Variants in MGARP observed in about 807,000 individuals in gnomAD.
MGARP encodes the protein mitochondria localized glutamic acid rich protein, also known as protein MGARP.
A neutral mutation model predicts 11.0 loss-of-function variants in MGARP; 12 were observed. The observed-to-expected ratio is 1.09, with a 90% CI of 0.70 to 1.77. The LOEUF (loss-of-function observed/expected upper bound fraction) is 1.77. Ranked by LOEUF, MGARP falls within the 40% of genes most tolerant of loss-of-function variation. MGARP has a pLI of 0.00. For missense variants in MGARP, 283 were observed against 297.8 expected (o/e 0.95, Z 0.36); for synonymous variants, 110 against 115.4 (o/e 0.95, Z 0.30).
intron 2 of MGARP, among the ~76,000 whole-genome samples, chr4:139,274,353 ATTT>A (rs1349371831): frequency 2.0e-5 from 3 of 152,120 alleles, no homozygotes; most frequent in African/African-American, 7.2e-5. Context: ...TCAGTGCAAG[ATTT>A]TAATAGGGGA....
chr4:139,279,050 G>T (rs910226089), intron 1 of MGARP, among the ~76,000 whole-genome samples: 2 of 152,104 alleles, frequency 1.3e-5, no homozygotes, highest in African/African-American at 2.4e-5. Flanking sequence ...ATCTCGGAAG[G>T]CTCAGAAAGT....
chr4:139,269,909 A>G (rs1744752964), intron 2 of MGARP, among the ~76,000 whole-genome samples: 1 of 152,172 alleles, frequency 6.6e-6, no homozygotes, highest in Non-Finnish European at 1.5e-5. Flanking sequence ...TGTCTTCTAA[A>G]TTTTTAACCA....
chr4:139,267,033 C>T lies in MGARP; in HGVS notation c.289G>A (p.Glu97Lys), dbSNP rs755698289. 9.4e-5 allele frequency: 151 copies of T among 1,612,390 alleles called. 4 individuals are homozygous for T. In the South Asian group the frequency reaches 1.5e-3, roughly 16 times the overall value. The change falls in exon 4 of 4, where the codon GAG (glutamate) becomes AAG (lysine). Residue 97 changes from glutamate to lysine, a missense_variant. Transcript: ENST00000398955. ...AEIHPFQGEK[E>K]NVAETEKASS... Reference sequence around the variant, plus strand: ...GCTTTCTCAGTTTCCGCAACATTCTCCTTTTCACCTTTAAGAATTAGTCAT... The same window carrying T: ...GCTTTCTCAGTTTCCGCAACATTCTTCTTTTCACCTTTAAGAATTAGTCAT...
At chr4:139,279,319 C>A (rs953388899) in intron 1 of MGARP, among the ~76,000 whole-genome samples, 1 of 152,224 alleles carries the variant, frequency 6.6e-6, no homozygotes. Flanking sequence ...CTCCAGTTCA[C>A]ACTGCAACTC....
chr4:139,276,766 C>A (rs1744881119), intron 1 of MGARP, among the ~76,000 whole-genome samples: 1 of 152,088 alleles, frequency 6.6e-6, no homozygotes, highest in African/African-American at 2.4e-5. Context: ...AGGAGGATCA[C>A]TTGAGTCCTG....
intron 2 of MGARP, 84 bp downstream of exon 2, chr4:139,275,205 T>C: frequency 9.4e-7 from 1 of 1,060,874 alleles, no homozygotes; most frequent in East Asian, 2.4e-5. Context: ...TAATCTCATG[T>C]CCTGATCTTG....
intron 1 of MGARP, among the ~76,000 whole-genome samples, chr4:139,276,786 G>A (rs981755947): frequency 7.9e-5 from 12 of 152,222 alleles, no homozygotes; most frequent in African/African-American, 2.6e-4. Flanking sequence ...GCAGTGAGCT[G>A]TGATTGTACC....
At chr4:139,272,561 C>CAAAAAAA (rs35412789) in intron 2 of MGARP, among the ~76,000 whole-genome samples, 42 of 109,280 alleles carry the variant, frequency 3.8e-4, no homozygotes, top group South Asian at 1.3e-3. Context: ...TGTCCCCTCC[C>CAAAAAAA]AAAAAAAAAA....
In MGARP at chr4:139,266,959, A is replaced by G. The variant is rs781124100; in HGVS notation, c.363T>C (p.Asp121=). The change falls in exon 4 of 4, where the codon GAT becomes GAC. Residue 121 remains aspartate, a synonymous_variant. Coordinates refer to ENST00000398955, the MANE Select transcript of MGARP (RefSeq NM_032623.4). ...CTGTAGCACTGGGACTTTCTTCAGC[A>G]TCTACCACCTCAGCTTCCACTATAA... ...EELIVEAEVV[D]AEESPSATVV... is the part of the protein sequence containing the mutation. 1.4e-4 allele frequency: 223 copies of G among 1,614,082 alleles called. 1 individual carries two copies. The highest frequency in any genetic ancestry group is 1.8e-4 in the Non-Finnish European group (214 of 1,180,034).
chr4:139,271,216 G>A (rs976688066), intron 2 of MGARP, among the ~76,000 whole-genome samples: 1 of 152,024 alleles, frequency 6.6e-6, no homozygotes, highest in Non-Finnish European at 1.5e-5. Flanking sequence ...AGCCAGTCTG[G>A]TACTACTTTT....
In MGARP at chr4:139,266,518, T is replaced by TA; in HGVS notation, c.*80dup. On this transcript the variant is annotated 3_prime_UTR_variant, in exon 4 of 4. Coordinates refer to ENST00000398955, the MANE Select transcript of MGARP (RefSeq NM_032623.4). ...TCTAGAAAATAAGTCTTTTTTTTTT[T>TA]AAACTAAGTGTACTAAAAACACAAA... 6 of 1,239,580 alleles carry TA rather than the reference T, an allele frequency of 4.8e-6. No homozygotes were observed. The South Asian group carries it at 7.8e-5, about 16-fold the overall frequency. The allele number at this position is 1,239,580 out of a possible 1,614,324, so 76.8% of individuals were successfully genotyped here.
intron 3 of MGARP, among the ~76,000 whole-genome samples, chr4:139,267,591 T>G (rs1744716799): frequency 6.6e-6 from 1 of 152,166 alleles, no homozygotes. Context: ...TTGTAAAGAT[T>G]AATTAAAATA....
In MGARP at chr4:139,266,428, C is replaced by A. The variant is rs1410443632; in HGVS notation, c.*171G>T. 25 of 615,600 alleles carry A rather than the reference C, an allele frequency of 4.1e-5. No homozygotes were observed. 38.1% of individuals were successfully genotyped at this position (615,600 alleles called of 1,614,324 possible). A position where few individuals can be genotyped will look rare whatever the true frequency, so the allele number is the denominator to read the frequency against. ...AGAAGAGTAGTAAGAAATGTACAAT[C>A]TCAAGTCTCTCAGTCCTAAAATCTA... On this transcript the variant is annotated 3_prime_UTR_variant, in exon 4 of 4. Coordinates refer to ENST00000398955, the MANE Select transcript of MGARP (RefSeq NM_032623.4).
At chr4:139,271,081 G>A (rs762468090) in intron 2 of MGARP, among the ~76,000 whole-genome samples, 5 of 152,154 alleles carry the variant, frequency 3.3e-5, no homozygotes, top group Non-Finnish European at 7.3e-5. Flanking sequence ...CAGCACAGTC[G>A]AGCACAGAGT....
chr4:139,280,205 C>G lies in MGARP; in HGVS notation c.-47G>C, dbSNP rs753703205. The G allele has an allele frequency of 1.3e-6, 2 of 1,562,034 alleles. No individual in the cohort carries two copies. The highest frequency in any genetic ancestry group is 2.7e-5 in the African/African-American group (2 of 73,708). On this transcript the variant is annotated 5_prime_UTR_variant, in exon 1 of 4. Coordinates refer to ENST00000398955, the MANE Select transcript of MGARP (RefSeq NM_032623.4). Reference sequence around the variant, plus strand: ...AGCAGCCTCGGTACCCAGGCGCAGGCTGCCCTTCCACAGAGAGGCTGAGAG... The same window carrying G: ...AGCAGCCTCGGTACCCAGGCGCAGGGTGCCCTTCCACAGAGAGGCTGAGAG...
intron 2 of MGARP, among the ~76,000 whole-genome samples, chr4:139,274,538 C>T (rs1744838448): frequency 6.6e-6 from 1 of 152,004 alleles, no homozygotes; most frequent in Non-Finnish European, 1.5e-5. Context: ...CACTGGAGTG[C>T]CATGATGTGA....
At chr4:139,270,708 A>C (rs1489731718) in intron 2 of MGARP, among the ~76,000 whole-genome samples, 1 of 152,138 alleles carries the variant, frequency 6.6e-6, no homozygotes, top group Non-Finnish European at 1.5e-5. Context: ...TAGTGAACTC[A>C]GACTTGAATC....
chr4:139,270,809 G>C (rs184094074), intron 2 of MGARP, among the ~76,000 whole-genome samples: 2 of 152,150 alleles, frequency 1.3e-5, no homozygotes, highest in East Asian at 3.9e-4. Flanking sequence ...TTCCGAGTAG[G>C]GTGTGTGTTC....
chr4:139,272,602 T>TTTTGG (rs1323081323), intron 2 of MGARP, among the ~76,000 whole-genome samples: 17 of 151,232 alleles, frequency 1.1e-4, no homozygotes, highest in African/African-American at 4.1e-4. Flanking sequence ...AGAATATGTA[T>TTTTGG]TTTGGTTTGG....
Sources: allele counts gnomAD v4.1 joint callset (sites outside exome capture counted in the v4.1 genomes callset), GRCh38; gene constraint gnomAD v4.1.1; transcripts MANE v1.5; gene names NCBI Gene and HGNC (gene_info 2026-07-23, HGNC 2026-07-21).